Variants in TIAM2 observed in about 807,000 individuals in gnomAD.
TIAM2 encodes TIAM Rac1 associated GEF 2.
A neutral mutation model predicts 152.9 loss-of-function variants in TIAM2; 80 were observed. The ratio of observed to expected loss-of-function variants is 0.52; its 90% CI spans 0.44 to 0.63. The LOEUF (loss-of-function observed/expected upper bound fraction) is 0.63, where lower values mean the gene tolerates loss of function less well. Among genes scored for constraint, TIAM2 ranks in the 30% least tolerant of loss-of-function variants. TIAM2 has a pLI of 0.00. For missense variants in TIAM2, 1,965 were observed against 2,120.1 expected, an observed-to-expected ratio of 0.93 and a Z score of 1.44; for synonymous variants, 804 against 838.0, an observed-to-expected ratio of 0.96 and a Z score of 0.70.
chr6:155,061,972 C>T (rs1777589292), intron 1 of TIAM2, among the ~76,000 whole-genome samples: 1 of 152,170 alleles, frequency 6.6e-6, no homozygotes, highest in Non-Finnish European at 1.5e-5. Context: ...GTAGTTCCCT[C>T]ACTGATTTTT....
At chr6:155,136,081 A>G (rs1165956801) in intron 4 of TIAM2, among the ~76,000 whole-genome samples, 1 of 150,398 alleles carries the variant, frequency 6.6e-6, no homozygotes, top group African/African-American at 2.4e-5. Context: ...GTAATCCCAG[A>G]TACTTGGGAG....
At chr6:155,093,385 G>C (rs1778344924) in intron 2 of TIAM2, among the ~76,000 whole-genome samples, 2 of 152,208 alleles carry the variant, frequency 1.3e-5, no homozygotes, top group Non-Finnish European at 2.9e-5. Context: ...ATTGCCATTG[G>C]GGAAGGTGTG....
At chr6:155,011,249 A>C (rs1448015316) in intron 1 of TIAM2, among the ~76,000 whole-genome samples, 3 of 152,112 alleles carry the variant, frequency 2.0e-5, no homozygotes, top group Non-Finnish European at 4.4e-5. Context: ...AGGGGTAGTT[A>C]TGGAATTGAC....
chr6:155,152,415 G>A (rs1381681874), intron 7 of TIAM2, among the ~76,000 whole-genome samples: 2 of 152,170 alleles, frequency 1.3e-5, no homozygotes, highest in South Asian at 2.1e-4. Context: ...ACAGCCAGGG[G>A]GCGTTCAGCT....
chr6:155,257,072 T>TTG lies in TIAM2; in HGVS notation c.5059_5060dup (p.Glu1689ValfsTer30). 6.2e-7 allele frequency: 1 copy of TTG among 1,614,046 alleles called. No individual in the cohort carries two copies. The highest frequency in any genetic ancestry group is 8.5e-7 in the Non-Finnish European group (1 of 1,180,004). ...TTCAGTGTCCAGAGTTTAACATCTG[T>TTG]TGTCAGTGAGGAGTGTTTTTATGAA... On this transcript the variant is annotated frameshift_variant, in exon 27 of 27. Coordinates refer to ENST00000682666, the MANE Select transcript of TIAM2 (RefSeq NM_012454.4). LOFTEE classifies it high-confidence loss of function.
chr6:155,241,161 C>T (rs1783016017), intron 16 of TIAM2, among the ~76,000 whole-genome samples: 1 of 152,194 alleles, frequency 6.6e-6, no homozygotes, highest in Admixed American at 6.5e-5. Flanking sequence ...GGGACGCACA[C>T]ACTGGGGAGT....
chr6:155,240,628 T>C lies in TIAM2; in HGVS notation c.3267T>C (p.Ser1089=), dbSNP rs1471437118. Residue 1089 remains serine, a synonymous_variant, in exon 16 of 27, where the codon TCT becomes TCC. Transcript: ENST00000682666. ...PRENQDPPPR[S]LARHLSDADR... is the part of the protein sequence containing the mutation. Reference sequence around the variant, plus strand: ...AGAATCAGGATCCTCCTCCGAGGTCTCTGGCCCGCCACCTGTCTGATGCAG... The same window carrying C: ...AGAATCAGGATCCTCCTCCGAGGTCCCTGGCCCGCCACCTGTCTGATGCAG... 5 of 1,614,104 alleles carry C rather than the reference T, an allele frequency of 3.1e-6. No individual in the cohort carries two copies. The highest frequency in any genetic ancestry group is 4.2e-6 in the Non-Finnish European group (5 of 1,180,030).
At chr6:155,163,641 G>C (rs1032578569) in intron 7 of TIAM2, among the ~76,000 whole-genome samples, 1 of 152,132 alleles carries the variant, frequency 6.6e-6, no homozygotes, top group African/African-American at 2.4e-5. Context: ...AAGTCCATTT[G>C]CTTCTTATTG....
intron 1 of TIAM2, among the ~76,000 whole-genome samples, chr6:155,017,218 TC>T (rs1778606909): frequency 6.6e-6 from 1 of 152,148 alleles, no homozygotes; most frequent in African/African-American, 2.4e-5. Flanking sequence ...CAGTTTACTT[TC>T]TATAGGCTAA....
chr6:155,195,913 C>T (rs552115277), intron 14 of TIAM2, among the ~76,000 whole-genome samples: 2 of 152,250 alleles, frequency 1.3e-5, no homozygotes, highest in Admixed American at 6.5e-5. Context: ...AGGTGAGGCC[C>T]AGAGGAAGTG....
intron 14 of TIAM2, among the ~76,000 whole-genome samples, chr6:155,190,580 A>C (rs1431962573): frequency 6.6e-6 from 1 of 152,258 alleles, no homozygotes; most frequent in Non-Finnish European, 1.5e-5. Flanking sequence ...CAGCATTTTG[A>C]GTAAAAATCA....
chr6:155,168,783 G>C, intron 9 of TIAM2: 1 of 1,349,102 alleles, frequency 7.4e-7, no homozygotes, highest in Non-Finnish European at 1.0e-6. Flanking sequence ...ATGAAAAAGG[G>C]TAGCTGGCAG....
chr6:155,152,696 G>A (rs573598231), intron 7 of TIAM2, among the ~76,000 whole-genome samples: 3 of 152,168 alleles, frequency 2.0e-5, no homozygotes, highest in South Asian at 4.2e-4. Flanking sequence ...AATCGTAGTC[G>A]AAGGGATGCC....
intron 25 of TIAM2, 40 bp downstream of exon 25, chr6:155,254,100 C>T (rs374401407): frequency 4.4e-6 from 7 of 1,580,050 alleles, no homozygotes; most frequent in Non-Finnish European, 6.1e-6. Flanking sequence ...ACAGAAATAA[C>T]ATAGAATTAT....
At chr6:155,083,456 T>A (rs571062078) in intron 1 of TIAM2, among the ~76,000 whole-genome samples, 1 of 152,080 alleles carries the variant, frequency 6.6e-6, no homozygotes, top group African/African-American at 2.4e-5. Flanking sequence ...GCCACACAGC[T>A]GGTTTCCTGG....
At chr6:155,215,610 C>T (rs1343966351) in intron 15 of TIAM2, among the ~76,000 whole-genome samples, 1 of 151,740 alleles carries the variant, frequency 6.6e-6, no homozygotes, top group East Asian at 1.9e-4. Flanking sequence ...AAAGAAGAAT[C>T]AGTGGCCACC....
At chr6:155,005,644 G>A (rs1778387436) in intron 1 of TIAM2, among the ~76,000 whole-genome samples, 1 of 149,430 alleles carries the variant, frequency 6.7e-6, no homozygotes, top group Non-Finnish European at 1.5e-5. Context: ...CTGGCACTGT[G>A]AGAATTCTTT....
rs1341998240 is a variant in TIAM2, at chr6:154,995,845, C to T, written c.-209+353C>T. On this transcript the variant is annotated intron_variant, in intron 1 of 26. Transcript: ENST00000682666. This position sits in a 1 kb window ranked among gnomAD's most constrained non-coding sequence, Gnocchi z 5.2. ...CATCCCGGATGGGAGGAGGCGGCGC[C>T]CCGGCCTCCTGATACCGAGGTTCTC... 2.0e-5 allele frequency among the ~76,000 whole-genome samples: 3 copies of T among 152,180 alleles called. No homozygotes were observed. The highest frequency in any genetic ancestry group is 7.2e-5 in the African/African-American group (3 of 41,448).
intron 4 of TIAM2, 57 bp downstream of exon 4, chr6:155,130,474 G>C (rs575927576): frequency 4.0e-6 from 6 of 1,515,452 alleles, no homozygotes; most frequent in East Asian, 4.6e-5. Context: ...CCTGGAGAAG[G>C]GGAAGGTTAG....
Sources: gnomAD v4.1 joint callset for allele counts (sites outside exome capture counted in the v4.1 genomes callset) on GRCh38, gnomAD v4.1.1 for gene constraint, Gnocchi (gnomAD v3.1) non-coding constraint, MANE v1.5 for transcripts, NCBI Gene and HGNC (gene_info 2026-07-23, HGNC 2026-07-21) for gene names.